The following N4BP2L1 variants were observed in gnomAD, a reference collection of about 807,000 sequenced individuals.
N4BP2L1 encodes the protein NEDD4 binding protein 2 like 1, also known as NEDD4-binding protein 2-like 1.
A neutral mutation model predicts 21.2 loss-of-function variants in N4BP2L1; 12 were observed. The observed-to-expected ratio is 0.57, with a 90% CI of 0.36 to 0.92. N4BP2L1 has a LOEUF of 0.92. Among genes scored for constraint, N4BP2L1 ranks in the 40% least tolerant of loss-of-function variants. The pLI is 0.01. For synonymous variants in N4BP2L1, 104 were observed against 112.8 expected (o/e 0.92, Z 0.49); for missense variants, 259 against 310.6 (o/e 0.83, Z 1.25).
At chr13:32,425,618 A>G (rs1395010725) in intron 1 of N4BP2L1, 1 of 152,266 alleles carries the variant, frequency 6.6e-6, no homozygotes, top group African/African-American at 2.4e-5. Flanking sequence ...AGATATCCCC[A>G]TTTAACAGAA....
chr13:32,411,734 C>T (rs1374391886), intron 1 of N4BP2L1: 17 of 982,744 alleles, frequency 1.7e-5, no homozygotes, highest in Non-Finnish European at 2.1e-5. Flanking sequence ...AGGGGCTAAT[C>T]TTGATTTCAC....
At chr13:32,408,445 A>G (rs1431371567) in intron 1 of N4BP2L1, among the ~76,000 whole-genome samples, 3 of 152,222 alleles carry the variant, frequency 2.0e-5, no homozygotes, top group South Asian at 4.1e-4. Context: ...TAAGTAGGAA[A>G]TATCACAGCA....
chr13:32,427,621 C>G (rs1400972233), intron 1 of N4BP2L1, among the ~76,000 whole-genome samples: 4 of 152,142 alleles, frequency 2.6e-5, no homozygotes, highest in Admixed American at 2.0e-4. Flanking sequence ...ATCCGTCCCC[C>G]CCGGGACAGC....
At chr13:32,425,256 C>CTGCCTCT (rs1403043602) in intron 1 of N4BP2L1, 1 of 152,246 alleles carries the variant, frequency 6.6e-6, no homozygotes, top group Non-Finnish European at 1.5e-5. Context: ...ACACCTGAGC[C>CTGCCTCT]TGCCTCTCCA....
At position 32,407,889 on chromosome 13, in the gene N4BP2L1, T is replaced by G. The variant is rs186560530; in HGVS notation, c.180-117A>C. On this transcript the variant is annotated intron_variant, in intron 1 of 4. Coordinates refer to ENST00000380130, the MANE Select transcript of N4BP2L1 (RefSeq NM_052818.3). ...TTTATAATTCTGAGACCACCAGGTT[T>G]GGAGTTGTTAAAATGCAGTTTCAAA... 3.7e-4 allele frequency: 446 copies of G among 1,212,468 alleles called. 11 individuals are homozygous for G. The South Asian group carries it at 5.3e-3, about 14-fold the overall frequency. The allele number at this position is 1,212,468 out of a possible 1,614,324, so 75.1% of individuals were successfully genotyped here. A position where few individuals can be genotyped will look rare whatever the true frequency, so the allele number is the denominator to read the frequency against.
chr13:32,407,868 T>C, intron 1 of N4BP2L1, 96 bp from the exon 2 acceptor site: 1 of 1,376,672 alleles, frequency 7.3e-7, no homozygotes, highest in Non-Finnish European at 9.9e-7. Flanking sequence ...TAGCAGTTTA[T>C]AATTCTGAGA....
intron 1 of N4BP2L1, among the ~76,000 whole-genome samples, chr13:32,418,727 C>T (rs530577383): frequency 2.6e-5 from 4 of 152,362 alleles, no homozygotes; most frequent in African/African-American, 4.8e-5. Flanking sequence ...TGGGAGCCCA[C>T]CTCTTGCATC....
rs2074742719 is a variant in N4BP2L1 at position 32,426,020 on chromosome 13, G to A, written c.179+1884C>T. On this transcript the variant is annotated intron_variant, in intron 1 of 4. Coordinates refer to ENST00000380130, the MANE Select transcript of N4BP2L1 (RefSeq NM_052818.3). ...TCCGGTGTCTTCTGCTTAGCCAAATGTCAATCAGGAATTAAAATCCTAAAA... is the reference window on the plus strand; with the variant it reads ...TCCGGTGTCTTCTGCTTAGCCAAATATCAATCAGGAATTAAAATCCTAAAA... 2.6e-5 allele frequency: 4 copies of A among 152,148 alleles called. No individual in the cohort carries two copies. The South Asian group carries it at 8.3e-4, about 32-fold the overall frequency. 9.4% of individuals were successfully genotyped at this position (152,148 alleles called of 1,614,324 possible). A position where few individuals can be genotyped will look rare whatever the true frequency, so the allele number is the denominator to read the frequency against.
chr13:32,412,273 A>G (rs1479737222), intron 1 of N4BP2L1, among the ~76,000 whole-genome samples: 1 of 152,152 alleles, frequency 6.6e-6, no homozygotes, highest in Non-Finnish European at 1.5e-5. Flanking sequence ...TGGTCACCAG[A>G]TGTTCACATT....
intron 1 of N4BP2L1, among the ~76,000 whole-genome samples, chr13:32,415,594 T>C (rs1435665952): frequency 1.3e-5 from 2 of 152,252 alleles, no homozygotes; most frequent in Non-Finnish European, 2.9e-5. Flanking sequence ...TACTTTAGAT[T>C]CTTTTATATA....
chr13:32,404,053 T>C, intron 4 of N4BP2L1: 2 of 1,107,416 alleles, frequency 1.8e-6, no homozygotes, highest in East Asian at 2.6e-5. Context: ...TGTTCCTTGA[T>C]GAAGAAGCAT....
intron 1 of N4BP2L1, among the ~76,000 whole-genome samples, chr13:32,414,435 G>C (rs568500542): frequency 6.6e-6 from 1 of 152,102 alleles, no homozygotes; most frequent in African/African-American, 2.4e-5. Flanking sequence ...GCACTTTCAC[G>C]TCCTTTGGTG....
intron 3 of N4BP2L1, chr13:32,406,895 C>G (rs7327813): frequency 0.03 from 7,139 of 236,900 alleles, 499 homozygotes; most frequent in African/African-American, 0.15. Context: ...AGCTCCACTA[C>G]GAGCGCCATC....
rs568689250 is a variant in N4BP2L1 at position 32,401,412 on chromosome 13, C to A, written c.*1530G>T. 1 of 152,252 alleles carries A rather than the reference C, an allele frequency of 6.6e-6. No homozygotes were observed. Among genetic ancestry groups the A allele is most frequent in the South Asian group, 2.1e-4 (1 of 4,830 alleles). The allele number at this position is 152,252 out of a possible 1,614,324, so 9.4% of individuals were successfully genotyped here. A position where few individuals can be genotyped will look rare whatever the true frequency, so the allele number is the denominator to read the frequency against. Reference sequence around the variant, plus strand: ...TTGGGATTTACTATTGTCAGCCAAACTTACTCAAAGGAGATACCAGTTTTT... The same window carrying A: ...TTGGGATTTACTATTGTCAGCCAAAATTACTCAAAGGAGATACCAGTTTTT... On this transcript the variant is annotated 3_prime_UTR_variant, in exon 5 of 5. Coordinates refer to ENST00000380130, the MANE Select transcript of N4BP2L1 (RefSeq NM_052818.3).
At chr13:32,423,869 A>C (rs937090670) in intron 1 of N4BP2L1, among the ~76,000 whole-genome samples, 12 of 152,224 alleles carry the variant, frequency 7.9e-5, no homozygotes, top group African/African-American at 2.7e-4. Flanking sequence ...ATGGTTGTAC[A>C]ACATTGTGAG....
At chr13:32,424,805 T>A (rs1040234675) in intron 1 of N4BP2L1, 4 of 152,218 alleles carry the variant, frequency 2.6e-5, no homozygotes, top group Non-Finnish European at 4.4e-5. Context: ...CTCCAACTTT[T>A]AAAAAATAAA....
intron 1 of N4BP2L1, among the ~76,000 whole-genome samples, chr13:32,411,327 T>A (rs2073846047): frequency 1.2e-4 from 1 of 8,382 alleles, no homozygotes; most frequent in South Asian, 3.0e-3. Flanking sequence ...GCCAAGGATT[T>A]TTTTTTTTTT....
intron 4 of N4BP2L1, 95 bp from the exon 5 acceptor site, chr13:32,403,295 C>G: frequency 7.7e-7 from 1 of 1,299,936 alleles, no homozygotes; most frequent in South Asian, 1.5e-5. Flanking sequence ...ATTGCAGTCC[C>G]TGTTCTCAGG....
intron 1 of N4BP2L1, chr13:32,424,802 T>C (rs1228175969): frequency 6.6e-6 from 1 of 152,180 alleles, no homozygotes; most frequent in African/African-American, 2.4e-5. Context: ...AAACTCCAAC[T>C]TTTAAAAAAT....
Sources: allele counts gnomAD v4.1 joint callset (sites outside exome capture counted in the v4.1 genomes callset), GRCh38; gene constraint gnomAD v4.1.1; transcripts MANE v1.5; gene names NCBI Gene and HGNC (gene_info 2026-07-23, HGNC 2026-07-21).